Variants in DPP10 observed in about 807,000 individuals in gnomAD.
DPP10 encodes the protein inactive dipeptidyl peptidase 10.
Under a neutral mutation model 120.9 loss-of-function variants are expected in DPP10, and 33 were observed. That is an observed-to-expected ratio of 0.27 (90% confidence interval 0.21 to 0.37). The LOEUF (loss-of-function observed/expected upper bound fraction) is 0.37, where lower values mean the gene tolerates loss of function less well. DPP10 is among the 10% of genes least tolerant of loss of function. The pLI is 1.00. For synonymous variants in DPP10, 337 were observed against 326.1 expected, an observed-to-expected ratio of 1.03 and a Z score of -0.36; for missense variants, 816 against 942.8, an observed-to-expected ratio of 0.87 and a Z score of 1.76.
intron 1 of DPP10, among the ~76,000 whole-genome samples, chr2:114,812,317 CTA>C (rs1429942361): frequency 6.6e-6 from 1 of 152,108 alleles, no homozygotes; most frequent in East Asian, 1.9e-4. Flanking sequence ...AGAATTGTAA[CTA>C]GGCTGGTCAC....
chr2:115,262,048 A>T (rs944730623), intron 1 of DPP10, among the ~76,000 whole-genome samples: 2 of 152,130 alleles, frequency 1.3e-5, no homozygotes, highest in African/African-American at 4.8e-5. Flanking sequence ...CATTTTTGAG[A>T]TTCCATTTTC....
chr2:114,517,715 C>T (rs1684716486), intron 1 of DPP10, among the ~76,000 whole-genome samples: 1 of 152,156 alleles, frequency 6.6e-6, no homozygotes. Flanking sequence ...TGATCAGCTG[C>T]CTCAGATACA....
chr2:115,345,224 C>T (rs1367615038), intron 3 of DPP10, among the ~76,000 whole-genome samples: 1 of 152,076 alleles, frequency 6.6e-6, no homozygotes, highest in Non-Finnish European at 1.5e-5. Flanking sequence ...CACAAGGTAG[C>T]GTTTTTCTTA....
chr2:115,380,390 T>G (rs981577762), intron 3 of DPP10, among the ~76,000 whole-genome samples: 2 of 152,168 alleles, frequency 1.3e-5, no homozygotes, highest in Non-Finnish European at 2.9e-5. Context: ...CCTTTTTTTG[T>G]TTTCCATTTG....
chr2:115,606,551 C>T (rs1387932530), intron 5 of DPP10, among the ~76,000 whole-genome samples: 1 of 152,148 alleles, frequency 6.6e-6, no homozygotes, highest in Non-Finnish European at 1.5e-5. Context: ...ATCACAGCTA[C>T]TTATAAACAC....
At chr2:115,359,266 G>T (rs2064612756) in intron 3 of DPP10, among the ~76,000 whole-genome samples, 1 of 152,100 alleles carries the variant, frequency 6.6e-6, no homozygotes, top group Admixed American at 6.6e-5. Context: ...GTGGAGGCAG[G>T]TATTGTTCAT....
At chr2:114,589,037 TGGG>T (rs3981303) in intron 1 of DPP10, among the ~76,000 whole-genome samples, 1 of 102,486 alleles carries the variant, frequency 9.8e-6, no homozygotes, top group East Asian at 2.4e-4. Flanking sequence ...AAGGTTTTTT[TGGG>T]GGGGGGGGTA....
intron 1 of DPP10, among the ~76,000 whole-genome samples, chr2:115,010,250 C>T (rs1702164698): frequency 6.6e-6 from 1 of 152,120 alleles, no homozygotes; most frequent in African/African-American, 2.4e-5. Flanking sequence ...TGGATAATAA[C>T]AGGAAGTCAG....
chr2:114,576,708 A>G (rs1419917498), intron 1 of DPP10, among the ~76,000 whole-genome samples: 1 of 151,908 alleles, frequency 6.6e-6, no homozygotes, highest in East Asian at 1.9e-4. Flanking sequence ...TTAGCACACC[A>G]CTCCTTCCAG....
intron 1 of DPP10, among the ~76,000 whole-genome samples, chr2:115,228,667 T>C (rs968849203): frequency 6.6e-6 from 1 of 152,168 alleles, no homozygotes; most frequent in Non-Finnish European, 1.5e-5. Flanking sequence ...CTTAACATAA[T>C]GACCTCCTGT....
At chr2:114,582,423 G>C (rs576169550) in intron 1 of DPP10, among the ~76,000 whole-genome samples, 29 of 152,304 alleles carry the variant, frequency 1.9e-4, no homozygotes, top group Non-Finnish European at 3.5e-4. Flanking sequence ...TTTTTGAACA[G>C]ATATATGTTT....
intron 3 of DPP10, among the ~76,000 whole-genome samples, chr2:115,441,217 A>C (rs1232189728): frequency 6.6e-6 from 1 of 152,196 alleles, no homozygotes; most frequent in African/African-American, 2.4e-5. Context: ...CAGGAAAAAA[A>C]GGGGGAAATA....
At chr2:115,236,280 C>G (rs1026377066) in intron 1 of DPP10, among the ~76,000 whole-genome samples, 9 of 152,070 alleles carry the variant, frequency 5.9e-5, no homozygotes, top group African/African-American at 2.2e-4. Context: ...AGATTTTAAC[C>G]CATCTTTCAG....
At chr2:114,906,319 G>A (rs1282782508) in intron 1 of DPP10, among the ~76,000 whole-genome samples, 1 of 151,952 alleles carries the variant, frequency 6.6e-6, no homozygotes, top group Non-Finnish European at 1.5e-5. Context: ...GGGAGGTGGA[G>A]GTTGCAGTTA....
At chr2:115,357,314 T>C (rs1466422288) in intron 3 of DPP10, among the ~76,000 whole-genome samples, 3 of 152,188 alleles carry the variant, frequency 2.0e-5, no homozygotes, top group Admixed American at 1.3e-4. Flanking sequence ...CAGGCATTGG[T>C]TAAATATACC....
chr2:114,507,340 T>C (rs553046576), intron 1 of DPP10, among the ~76,000 whole-genome samples: 38 of 152,296 alleles, frequency 2.5e-4, no homozygotes, highest in Admixed American at 6.5e-4. Flanking sequence ...TGAATCACTA[T>C]GGCCAGCCTT....
chr2:115,181,874 G>A (rs1240556522), intron 1 of DPP10, among the ~76,000 whole-genome samples: 3 of 152,102 alleles, frequency 2.0e-5, no homozygotes, highest in Non-Finnish European at 4.4e-5. Flanking sequence ...ACGTTTGAAT[G>A]TTAAAAATAT....
intron 1 of DPP10, among the ~76,000 whole-genome samples, chr2:114,975,158 G>A (rs573890239): frequency 6.6e-6 from 1 of 151,542 alleles, no homozygotes; most frequent in African/African-American, 2.4e-5. Flanking sequence ...CGATTCTCCT[G>A]CCTCAGCCAC....
At chr2:115,656,372 A>C (rs1430509843) in intron 5 of DPP10, among the ~76,000 whole-genome samples, 1 of 151,584 alleles carries the variant, frequency 6.6e-6, no homozygotes, top group Non-Finnish European at 1.5e-5. Context: ...CTTAGGCTCA[A>C]ATTGGTGCTA....
Sources: gnomAD v4.1 joint callset for allele counts (sites outside exome capture counted in the v4.1 genomes callset) on GRCh38, gnomAD v4.1.1 for gene constraint, MANE v1.5 for transcripts, NCBI Gene and HGNC (gene_info 2026-07-23, HGNC 2026-07-21) for gene names.